Variants in FMO4 observed in about 807,000 individuals in gnomAD.
FMO4 encodes flavin containing dimethylaniline monoxygenase 4.
A neutral mutation model predicts 43.3 loss-of-function variants in FMO4; 38 were observed. That is an observed-to-expected ratio of 0.88 (90% confidence interval 0.68 to 1.15). The LOEUF is 1.15. FMO4 is among the 50% of genes most tolerant of loss of function. The pLI is 0.00. For synonymous variants in FMO4, 224 were observed against 232.2 expected, an observed-to-expected ratio of 0.96 and a Z score of 0.32; for missense variants, 631 against 663.3, an observed-to-expected ratio of 0.95 and a Z score of 0.54.
chr1:171,326,843 C>G (rs1306423825), intron 5 of FMO4, among the ~76,000 whole-genome samples: 1 of 152,196 alleles, frequency 6.6e-6, no homozygotes, highest in Non-Finnish European at 1.5e-5. Flanking sequence ...AGGGGACTTG[C>G]ATTCCTCAGA....
intron 4 of FMO4, among the ~76,000 whole-genome samples, 161 bp downstream of exon 4, chr1:171,323,353 T>C (rs559921065): frequency 1.2e-4 from 19 of 152,276 alleles, no homozygotes; most frequent in African/African-American, 3.9e-4. Flanking sequence ...CAAGTTTTAC[T>C]CGAATAAATC....
At chr1:171,323,451 G>GA (rs1225850296) in intron 4 of FMO4, among the ~76,000 whole-genome samples, 1 of 152,110 alleles carries the variant, frequency 6.6e-6, no homozygotes, top group African/African-American at 2.4e-5. Flanking sequence ...ATCACTTGAG[G>GA]TCAGGAGTTT....
Position 171,341,414 on chromosome 1 carries a change from G to A in FMO4, c.1252G>A (p.Gly418Arg), listed in dbSNP as rs530035886. 3 of 1,611,294 alleles carry A rather than the reference G, an allele frequency of 1.9e-6. No individual in the cohort carries two copies. The South Asian group carries it at 3.3e-5, about 18-fold the overall frequency. The stretch of plus-strand genomic sequence containing the variant: ...GTCCTCCCTCTTTTTTCCTCTCAGG[G>A]GAGTGTTTAAAGACACCAGCAAAGA... ...ATEKEQLIKR[G>R]VFKDTSKDKF... The change falls in exon 10 of 10, where the codon GGA becomes AGA. Residue 418 changes from glycine (G) to arginine (R), a missense_variant and splice_region_variant. Gly to Arg is a moderately radical substitution (Grantham distance 125). Coordinates refer to ENST00000367749, the MANE Select transcript of FMO4 (RefSeq NM_002022.3).
chr1:171,336,093 C>A (rs960618501), intron 8 of FMO4, among the ~76,000 whole-genome samples: 4 of 151,782 alleles, frequency 2.6e-5, no homozygotes, highest in Non-Finnish European at 5.9e-5. Flanking sequence ...ATAAGGTGAC[C>A]CTAGTGGAAA....
chr1:171,323,990 C>A (rs927441133), intron 4 of FMO4, 148 bp from the exon 5 acceptor site: 1 of 635,152 alleles, frequency 1.6e-6, no homozygotes, highest in African/African-American at 1.8e-5. Context: ...AGTTACTTAA[C>A]TTCTCTAGGA....
At chr1:171,316,848 G>A (rs1253471889) in intron 2 of FMO4, among the ~76,000 whole-genome samples, 2 of 152,172 alleles carry the variant, frequency 1.3e-5, no homozygotes, top group African/African-American at 4.8e-5. Context: ...ATCTGCCTTA[G>A]GGTCAGGTAA....
chr1:171,320,505 T>C (rs997712074), intron 3 of FMO4, among the ~76,000 whole-genome samples: 4 of 152,158 alleles, frequency 2.6e-5, no homozygotes, highest in African/African-American at 7.2e-5. Flanking sequence ...CAATCATTCT[T>C]TGAAGTGGAA....
chr1:171,325,686 T>A (rs549906114), intron 5 of FMO4, among the ~76,000 whole-genome samples: 24 of 152,032 alleles, frequency 1.6e-4, no homozygotes, highest in Non-Finnish European at 2.9e-4. Flanking sequence ...ACACCTCTTA[T>A]GACATTTTCT....
intron 8 of FMO4, among the ~76,000 whole-genome samples, chr1:171,336,954 C>G (rs1181132432): frequency 7.7e-6 from 1 of 129,506 alleles, no homozygotes; most frequent in Non-Finnish European, 1.6e-5. Context: ...AGCTTTAACA[C>G]AAACATGCAC....
intron 4 of FMO4, 36 bp from the exon 5 acceptor site, chr1:171,324,102 G>A: frequency 6.3e-7 from 1 of 1,578,588 alleles, no homozygotes; most frequent in South Asian, 1.2e-5. Context: ...GTCCAAGGGT[G>A]TTAGTGAGAA....
rs1662195701 is a variant in FMO4 at position 171,316,264 on chromosome 1, G to A, written c.-72G>A. ...AAATTCAAGTATTCTTATTGGTGGA[G>A]GCCATTTGTTTCTGATTAGAAGCTG... is the stretch of plus-strand genomic sequence containing the variant. On this transcript the variant is annotated 5_prime_UTR_variant, in exon 2 of 10. Coordinates refer to ENST00000367749, the MANE Select transcript of FMO4 (RefSeq NM_002022.3). 1 of 152,118 alleles carries A rather than the reference G, an allele frequency of 6.6e-6. No homozygotes were observed. The highest frequency in any genetic ancestry group is 2.4e-5 in the African/African-American group (1 of 41,418). The allele number at this position is 152,118 out of a possible 1,614,324, so 9.4% of individuals were successfully genotyped here.
At chr1:171,327,475 T>C (rs983271647) in intron 5 of FMO4, among the ~76,000 whole-genome samples, 4 of 152,180 alleles carry the variant, frequency 2.6e-5, no homozygotes, top group Admixed American at 2.6e-4. Context: ...TTTTGTTTTT[T>C]TGCACTGCAA....
intron 5 of FMO4, among the ~76,000 whole-genome samples, chr1:171,328,028 G>A (rs1274955454): frequency 1.3e-5 from 2 of 151,732 alleles, no homozygotes; most frequent in Non-Finnish European, 2.9e-5. Flanking sequence ...CCCCATTAGA[G>A]GACAAAGTCT....
chr1:171,331,929 T>G (rs991444058), intron 6 of FMO4, 147 bp downstream of exon 6: 2 of 741,608 alleles, frequency 2.7e-6, no homozygotes, highest in African/African-American at 3.5e-5. Context: ...TTGAAAATCT[T>G]TAAAGCCACT....
chr1:171,322,683 T>G (rs1466011248), intron 3 of FMO4, among the ~76,000 whole-genome samples: 3 of 151,968 alleles, frequency 2.0e-5, no homozygotes, highest in Admixed American at 6.6e-5. Context: ...TGAAATCCCA[T>G]CTCTACTAAA....
Position 171,323,148 on chromosome 1 carries a change from G to A in FMO4, c.277G>A (p.Glu93Lys). The change falls in exon 4 of 10, where the codon GAA (glutamate) becomes AAA (lysine). Residue 93 changes from glutamate (E) to lysine (K), a missense_variant. Physicochemically the swap from Glu to Lys is moderately conservative, Grantham distance 56. Coordinates refer to ENST00000367749, the MANE Select transcript of FMO4 (RefSeq NM_002022.3). ...NHEKFWDYLQ[E>K]FAEHFDLLKY... ...TGAAAAATTTTGGGACTATCTCCAAGAATTTGCTGAGCACTTTGACCTCCT... is the reference window on the plus strand; with the variant it reads ...TGAAAAATTTTGGGACTATCTCCAAAAATTTGCTGAGCACTTTGACCTCCT... 6.2e-7 allele frequency: 1 copy of A among 1,613,764 alleles called. No homozygotes were observed. Among genetic ancestry groups the A allele is most frequent in the African/African-American group, 1.3e-5 (1 of 75,020 alleles).
At chr1:171,333,156 C>A in intron 7 of FMO4, 1 of 338,658 alleles carries the variant, frequency 3.0e-6, no homozygotes, top group South Asian at 4.3e-5. Context: ...CCATTTCCTG[C>A]TGTTACAAAT....
In FMO4 at chr1:171,324,164, T is replaced by A. The variant is rs1341413411; in HGVS notation, c.348T>A (p.Arg116=). ...CCACTGTGTGCAGCATAACGAAGCG[T>A]CCAGACTTCTCCGAAACTGGTCAGT... is the stretch of plus-strand genomic sequence containing the variant. ...FKTTVCSITK[R]PDFSETGQWD... Residue 116 remains arginine, a synonymous_variant, in exon 5 of 10, where the codon CGT becomes CGA. Transcript: ENST00000367749. The A allele has an allele frequency of 6.2e-7, 1 of 1,613,382 alleles. No individual in the cohort carries two copies. The highest frequency in any genetic ancestry group is 1.7e-5 in the Admixed American group (1 of 59,876).
At position 171,341,869 on chromosome 1, in the gene FMO4, C is replaced by T; in HGVS notation, c.*30C>T. 6.5e-7 allele frequency: 1 copy of T among 1,541,904 alleles called. No individual in the cohort carries two copies. Among genetic ancestry groups the T allele is most frequent in the East Asian group, 2.3e-5 (1 of 44,286 alleles). The stretch of plus-strand genomic sequence containing the variant: ...GATTGTTACAAGGGTTACACAAAGT[C>T]ATGCTAATTCTATCTCCAAGTATCT... On this transcript the variant is annotated 3_prime_UTR_variant, in exon 10 of 10. Transcript: ENST00000367749.
Sources: gnomAD v4.1 joint callset for allele counts (sites outside exome capture counted in the v4.1 genomes callset) on GRCh38, gnomAD v4.1.1 for gene constraint, MANE v1.5 for transcripts, NCBI Gene and HGNC (gene_info 2026-07-23, HGNC 2026-07-21) for gene names.